The following AOPEP variants were observed in gnomAD, a reference collection of about 807,000 sequenced individuals.
AOPEP encodes the protein aminopeptidase O (putative), also known as aminopeptidase O.
In AOPEP, 77 loss-of-function variants were observed where a neutral mutation model predicts 98.1. The observed-to-expected ratio is 0.78, with a 90% CI of 0.65 to 0.95. The LOEUF (loss-of-function observed/expected upper bound fraction) is 0.95. AOPEP is among the 40% of genes least tolerant of loss of function. AOPEP has a pLI of 0.00. For synonymous variants in AOPEP, 346 were observed against 365.3 expected, an observed-to-expected ratio of 0.95 and a Z score of 0.60; for missense variants, 1,024 against 1,024.7, an observed-to-expected ratio of 1.00 and a Z score of 0.01.
At chr9:95,025,212 T>C (rs1185667126) in intron 13 of AOPEP, among the ~76,000 whole-genome samples, 4 of 152,206 alleles carry the variant, frequency 2.6e-5, no homozygotes, top group African/African-American at 4.8e-5. Flanking sequence ...AGTCTTGGTG[T>C]CCTGGCTTTT....
At chr9:94,871,794 C>G (rs975688335) in intron 5 of AOPEP, among the ~76,000 whole-genome samples, 2 of 152,040 alleles carry the variant, frequency 1.3e-5, no homozygotes, top group African/African-American at 4.8e-5. Flanking sequence ...ATCACTTGAG[C>G]CCAGGAGTTT....
At chr9:94,901,102 G>T (rs994804337) in intron 5 of AOPEP, among the ~76,000 whole-genome samples, 7 of 151,698 alleles carry the variant, frequency 4.6e-5, no homozygotes, top group Non-Finnish European at 1.0e-4. Flanking sequence ...CATCATTTCA[G>T]TAAGTGGTTC....
chr9:94,983,213 C>T (rs1289266335), intron 11 of AOPEP, among the ~76,000 whole-genome samples: 7 of 152,006 alleles, frequency 4.6e-5, no homozygotes, highest in South Asian at 2.1e-4. Flanking sequence ...TTAGTAGAGA[C>T]GGGGTTTCAC....
At chr9:94,992,416 T>C (rs757813026) in intron 11 of AOPEP, among the ~76,000 whole-genome samples, 60 of 152,320 alleles carry the variant, frequency 3.9e-4, no homozygotes, top group Non-Finnish European at 5.0e-4. Flanking sequence ...ACCGTCACAC[T>C]GTAAGTGGGC....
At chr9:95,021,632 T>C (rs1018070941) in intron 13 of AOPEP, 3 of 152,258 alleles carry the variant, frequency 2.0e-5, no homozygotes, top group African/African-American at 7.2e-5. Context: ...CATGCACATG[T>C]GCGCACACAC....
At chr9:94,927,160 C>T (rs1386162635) in intron 6 of AOPEP, among the ~76,000 whole-genome samples, 1 of 152,162 alleles carries the variant, frequency 6.6e-6, no homozygotes, top group Non-Finnish European at 1.5e-5. Flanking sequence ...ATGGCCTTTC[C>T]TCTGTGCATG....
intron 10 of AOPEP, among the ~76,000 whole-genome samples, chr9:94,976,209 GCC>G (rs2059828504): frequency 2.0e-5 from 3 of 152,086 alleles, no homozygotes; most frequent in African/African-American, 7.2e-5. Flanking sequence ...CAGAACCTTT[GCC>G]CAGCAGCCAT....
chr9:95,119,095 C>T, the AOPEP span, among the ~76,000 whole-genome samples: 7 of 152,188 alleles, frequency 4.6e-5, no homozygotes, highest in African/African-American at 1.7e-4. Flanking sequence ...GGGAACATAA[C>T]CCTATGTATG....
chr9:94,908,272 G>T (rs1315351459), intron 5 of AOPEP, among the ~76,000 whole-genome samples: 1 of 152,154 alleles, frequency 6.6e-6, no homozygotes, highest in East Asian at 1.9e-4. Flanking sequence ...TAGCCCAGGA[G>T]CCCTGCTGTT....
chr9:95,009,947 AAAG>A (rs1564518209), intron 13 of AOPEP, among the ~76,000 whole-genome samples: 1 of 152,140 alleles, frequency 6.6e-6, no homozygotes, highest in Non-Finnish European at 1.5e-5. Context: ...TGAAAAAAAA[AAAG>A]ATTTTCCTTG....
At chr9:95,086,356 A>C (rs985862880) in intron 16 of AOPEP, 7 of 985,340 alleles carry the variant, frequency 7.1e-6, no homozygotes, top group Non-Finnish European at 8.4e-6. Flanking sequence ...TAAGGGAGGC[A>C]GGGCCCAGCT....
chr9:95,100,678 T>G, the AOPEP span: 1 of 229,212 alleles, frequency 4.4e-6, no homozygotes, highest in East Asian at 6.2e-5. Flanking sequence ...TTGCCCAGGC[T>G]GGAGTGCAGT....
At chr9:94,834,872 G>T (rs996559148) in intron 5 of AOPEP, among the ~76,000 whole-genome samples, 8 of 151,814 alleles carry the variant, frequency 5.3e-5, no homozygotes, top group Admixed American at 3.3e-4. Context: ...AAACAAAAAA[G>T]ATTTTTTATC....
intron 16 of AOPEP, among the ~76,000 whole-genome samples, chr9:95,084,551 G>A (rs1298095971): frequency 1.3e-5 from 2 of 152,176 alleles, no homozygotes; most frequent in South Asian, 2.1e-4. Context: ...ATTTCGTGGC[G>A]TACGTGTTAA....
At chr9:95,118,994 T>A in the AOPEP span, among the ~76,000 whole-genome samples, 1 of 152,352 alleles carries the variant, frequency 6.6e-6, no homozygotes, top group East Asian at 1.9e-4. Flanking sequence ...CATATGGTTT[T>A]CCGGTGTTGT....
intron 14 of AOPEP, among the ~76,000 whole-genome samples, chr9:95,065,804 A>G (rs556808985): frequency 2.6e-5 from 4 of 152,202 alleles, no homozygotes; most frequent in Non-Finnish European, 5.9e-5. Context: ...TCACAGTATG[A>G]TTGCAGGTAC....
the AOPEP span, among the ~76,000 whole-genome samples, chr9:95,144,220 C>T: frequency 6.6e-6 from 1 of 152,206 alleles, no homozygotes; most frequent in Non-Finnish European, 1.5e-5. Flanking sequence ...GTTCCGCCTA[C>T]GGGAAAGTGT....
chr9:94,828,223 C>T (rs549163394), intron 5 of AOPEP, among the ~76,000 whole-genome samples: 1 of 152,262 alleles, frequency 6.6e-6, no homozygotes, highest in African/African-American at 2.4e-5. Context: ...TGATGAAGCC[C>T]AATTTATCTA....
At chr9:94,808,387 C>T (rs2133913038) in intron 5 of AOPEP, among the ~76,000 whole-genome samples, 1 of 152,298 alleles carries the variant, frequency 6.6e-6, no homozygotes, top group South Asian at 2.1e-4. Flanking sequence ...TAAAATGCCA[C>T]AGATGTGAGG....
Sources: allele counts gnomAD v4.1 joint callset (sites outside exome capture counted in the v4.1 genomes callset), GRCh38; gene constraint gnomAD v4.1.1; transcripts MANE v1.5; gene names NCBI Gene and HGNC (gene_info 2026-07-23, HGNC 2026-07-21).